The following ANKRD62 variants were observed in gnomAD, a reference collection of about 807,000 sequenced individuals.
ANKRD62 encodes the protein ankyrin repeat domain 62, also known as ankyrin repeat domain-containing protein 62.
Under a neutral mutation model 98.8 loss-of-function variants are expected in ANKRD62, and 61 were observed. The ratio of observed to expected loss-of-function variants is 0.62; its 90% CI spans 0.50 to 0.76. The LOEUF (loss-of-function observed/expected upper bound fraction) is 0.76. ANKRD62 is among the 30% of genes least tolerant of loss of function. The pLI is 0.00. For missense variants in ANKRD62, 933 were observed against 1,082.9 expected, an observed-to-expected ratio of 0.86 and a Z score of 1.94; for synonymous variants, 341 against 367.9, an observed-to-expected ratio of 0.93 and a Z score of 0.84.
the ANKRD62 span, among the ~76,000 whole-genome samples, chr18:12,152,842 C>T: frequency 0.019 from 2,883 of 152,222 alleles, 86 homozygotes; most frequent in African/African-American, 0.065. Context: ...TAGTTGAAGC[C>T]GAGATCGTGC....
rs1333116559 is a variant in ANKRD62, at chr18:12,095,203, G to A, written c.251G>A (p.Arg84His). Residue 84 changes from arginine to histidine, a missense_variant, in exon 2 of 14, where the codon CGT (arginine) becomes CAT (histidine). By Grantham distance (29) the Arg-to-His change is conservative. Coordinates refer to ENST00000587848, the MANE Select transcript of ANKRD62 (RefSeq NM_001277333.2). ...CTACTTTTGGCGTGTGCCCATGGCC[G>A]TCCAGGAGTGGTAGCTGACCTGGTG... The part of the protein sequence containing the change: ...TALLLACAHG[R>H]PGVVADLVAR... 2.6e-6 allele frequency: 4 copies of A among 1,536,866 alleles called. No homozygotes were observed. The highest frequency in any genetic ancestry group is 1.7e-4 in the Middle Eastern group (1 of 5,988).
intron 4 of ANKRD62, among the ~76,000 whole-genome samples, chr18:12,096,967 G>T (rs1046738747): frequency 2.0e-5 from 3 of 152,084 alleles, no homozygotes; most frequent in Non-Finnish European, 2.9e-5. Context: ...ACAAGCCATG[G>T]GTGACAATGA....
In ANKRD62 at chr18:12,122,432, A is replaced by G; in HGVS notation, c.1370A>G (p.Gln457Arg). 6.5e-7 allele frequency: 1 copy of G among 1,535,670 alleles called. No individual in the cohort carries two copies. The highest frequency in any genetic ancestry group is 2.5e-5 in the East Asian group (1 of 40,816). Residue 457 changes from glutamine (Q) to arginine (R), a missense_variant, in exon 11 of 14, where the codon CAA becomes CGA. This residue lies in a region of ANKRD62 where 549 missense variants were observed against 587.9 expected (regional missense o/e 0.93). Coordinates refer to ENST00000587848, the MANE Select transcript of ANKRD62 (RefSeq NM_001277333.2). ...QKMKNNISVLQKVLSETDKTK... is the reference protein window; with the variant it reads ...QKMKNNISVLRKVLSETDKTK... ...ATGAAAAATAATATTAGCGTACTAC[A>G]AAAGGTACTATCTGAAACAGACAAA...
chr18:12,126,052 C>CA lies in ANKRD62; in HGVS notation c.2232dup (p.Gln745ThrfsTer8). ...CACATGCAAGGAGTCCTAAGCCGAA[C>CA]ACAGCGTCGATTGGAGGACATTGAA... On this transcript the variant is annotated frameshift_variant, in exon 13 of 14. Transcript: ENST00000587848. LOFTEE classifies it high-confidence loss of function. The CA allele has an allele frequency of 6.5e-7, 1 of 1,536,262 alleles. No homozygotes were observed. Among genetic ancestry groups the CA allele is most frequent in the Non-Finnish European group, 8.7e-7 (1 of 1,146,928 alleles).
In ANKRD62 at chr18:12,113,840, A is replaced by G. The variant is rs190726950; in HGVS notation, c.1065-1248A>G. 1.8e-4 allele frequency among the ~76,000 whole-genome samples: 28 copies of G among 152,348 alleles called. No individual in the cohort carries two copies. The East Asian group carries it at 3.9e-3, about 21-fold the overall frequency. On this transcript the variant is annotated intron_variant, in intron 8 of 13. Transcript: ENST00000587848. ...ATTATTCTGTTATAAAGACACATGC[A>G]TATGTTCATTGCAGTACTATTCACA...
intron 5 of ANKRD62, 31 bp downstream of exon 5, chr18:12,097,808 A>G: frequency 6.5e-7 from 1 of 1,532,486 alleles, no homozygotes; most frequent in Non-Finnish European, 8.8e-7. Context: ...TGAACACTAA[A>G]TTGAGGTTTA....
the ANKRD62 span, among the ~76,000 whole-genome samples, chr18:12,175,443 C>T: frequency 6.6e-5 from 10 of 152,170 alleles, no homozygotes; most frequent in Non-Finnish European, 8.8e-5. Flanking sequence ...GCATGTGGGT[C>T]GGACAAGGAA....
chr18:12,108,723 ATTAG>A (rs35056094), intron 8 of ANKRD62, among the ~76,000 whole-genome samples: 92,908 of 151,622 alleles, frequency 0.61, 28,917 homozygotes, highest in Middle Eastern at 0.76. Flanking sequence ...GAAATCAAAA[ATTAG>A]TTAGTTAGTT....
At chr18:12,163,325 T>A in the ANKRD62 span, among the ~76,000 whole-genome samples, 14 of 152,124 alleles carry the variant, frequency 9.2e-5, no homozygotes, top group African/African-American at 3.4e-4. Flanking sequence ...CCTATAGAAA[T>A]GCTACGGAGT....
At chr18:12,173,378 A>G in the ANKRD62 span, among the ~76,000 whole-genome samples, 1 of 152,020 alleles carries the variant, frequency 6.6e-6, no homozygotes, top group Non-Finnish European at 1.5e-5. Context: ...TTTTGAGCCT[A>G]TGTGTGTCAT....
At chr18:12,101,920 G>A (rs181585218) in intron 6 of ANKRD62, 2 of 774,884 alleles carry the variant, frequency 2.6e-6, no homozygotes, top group Admixed American at 1.7e-5. Flanking sequence ...TCCTTATTGT[G>A]AGTTGAATGG....
chr18:12,153,114 A>G, the ANKRD62 span, among the ~76,000 whole-genome samples: 2 of 152,226 alleles, frequency 1.3e-5, no homozygotes, highest in South Asian at 2.1e-4. Flanking sequence ...AAAGAGCTCT[A>G]CAAGGAGAAC....
At chr18:12,119,443 T>A (rs1399949449) in intron 10 of ANKRD62, among the ~76,000 whole-genome samples, 1 of 150,866 alleles carries the variant, frequency 6.6e-6, no homozygotes, top group Non-Finnish European at 1.5e-5. Flanking sequence ...AGTTCTGGAG[T>A]CTGCAGAGTC....
At chr18:12,174,673 T>C in the ANKRD62 span, among the ~76,000 whole-genome samples, 2 of 152,368 alleles carry the variant, frequency 1.3e-5, no homozygotes, top group East Asian at 3.9e-4. Flanking sequence ...TGAATTTTCT[T>C]CTTTTATCCT....
At chr18:12,145,733 C>A in the ANKRD62 span, among the ~76,000 whole-genome samples, 1 of 152,120 alleles carries the variant, frequency 6.6e-6, no homozygotes, top group Admixed American at 6.5e-5. Flanking sequence ...GGTGGCTTAG[C>A]CATTCCAGCC....
intron 8 of ANKRD62, among the ~76,000 whole-genome samples, chr18:12,110,992 G>A (rs986509799): frequency 1.3e-5 from 2 of 152,140 alleles, no homozygotes; most frequent in African/African-American, 4.8e-5. Context: ...AGTGGCTCAC[G>A]CCTGTAATCC....
rs1227104581 is a variant in ANKRD62 at position 12,126,324 on chromosome 18, G to C, written c.2503G>C (p.Glu835Gln). The C allele has an allele frequency of 2.0e-5, 31 of 1,529,042 alleles. No homozygotes were observed. Among genetic ancestry groups the C allele is most frequent in the Non-Finnish European group, 2.5e-5 (29 of 1,144,954 alleles). 94.7% of individuals were successfully genotyped at this position (1,529,042 alleles called of 1,614,324 possible). ...LEENNKGLMK[E>Q]CTLLKERQCQ... ...AGAGAACAATAAGGGGTTGATGAAG[G>C]AATGCACTCTTTTAAAAGAAAGACA... Residue 835 changes from glutamate (E) to glutamine (Q), a missense_variant, in exon 13 of 14, where the codon GAA becomes CAA. Physicochemically the swap from Glu to Gln is conservative, Grantham distance 29 (BLOSUM62 2). Coordinates refer to ENST00000587848, the MANE Select transcript of ANKRD62 (RefSeq NM_001277333.2).
At position 12,103,491 on chromosome 18, in the gene ANKRD62, A is replaced by G. The variant is rs4453572; in HGVS notation, c.891+263A>G. ...TTTTATAACCTAATGTAATAAAGAA[A>G]GTAATATCAAATATTGAATTATAAT... On this transcript the variant is annotated intron_variant, in intron 7 of 13. Transcript: ENST00000587848. 0.92 allele frequency among the ~76,000 whole-genome samples: 140,364 copies of G among 152,038 alleles called. 65,004 individuals are homozygous for G. The highest frequency in any genetic ancestry group is 0.99 in the Middle Eastern group (290 of 294).
At chr18:12,130,590 AC>A (rs1450155316), downstream of ANKRD62, among the ~76,000 whole-genome samples, 1 of 152,178 alleles carries the variant, frequency 6.6e-6, no homozygotes, top group Non-Finnish European at 1.5e-5. Context: ...TAGGGATGGT[AC>A]CCAAGAGTAA....
Sources: allele counts gnomAD v4.1 joint callset (sites outside exome capture counted in the v4.1 genomes callset), GRCh38; gene constraint gnomAD v4.1.1; regional missense constraint gnomAD v4.1.1; transcripts MANE v1.5; gene names NCBI Gene and HGNC (gene_info 2026-07-23, HGNC 2026-07-21).